CHKA: variants seen among roughly 807,000 people sequenced by gnomAD.
The protein encoded by CHKA is choline kinase alpha, also known as CHETK-alpha.
Under a neutral mutation model 60.1 loss-of-function variants are expected in CHKA, and 34 were observed. The observed-to-expected ratio is 0.57, with a 90% CI of 0.43 to 0.75. CHKA has a LOEUF of 0.75. Among genes scored for constraint, CHKA ranks in the 30% least tolerant of loss-of-function variants. The pLI is 0.00. For missense variants in CHKA, 563 were observed against 561.3 expected (o/e 1.00, Z -0.03); for synonymous variants, 217 against 223.1 (o/e 0.97, Z 0.24).
chr11:68,079,094 C>A (rs1171338544), intron 3 of CHKA, among the ~76,000 whole-genome samples: 1 of 150,710 alleles, frequency 6.6e-6, no homozygotes, highest in Non-Finnish European at 1.5e-5. Flanking sequence ...CTACCAAGCC[C>A]AGCTTATTTT....
intron 2 of CHKA, among the ~76,000 whole-genome samples, chr11:68,092,977 A>G (rs1014200843): frequency 6.6e-6 from 1 of 151,112 alleles, no homozygotes; most frequent in African/African-American, 2.4e-5. Context: ...CGTATAGAAA[A>G]CTACTAATTT....
intron 6 of CHKA, 123 bp from the exon 7 acceptor site, chr11:68,069,060 T>C: frequency 1.5e-6 from 1 of 665,782 alleles, no homozygotes; most frequent in South Asian, 1.7e-5. Context: ...CAGAGTAGTA[T>C]CTGTGATGTG....
At chr11:68,070,089 A>C in intron 6 of CHKA, 100 bp downstream of exon 6, 1 of 863,680 alleles carries the variant, frequency 1.2e-6, no homozygotes, top group South Asian at 1.4e-5. Flanking sequence ...TGTAAAACCA[A>C]TGTAAAATGC....
intron 11 of CHKA, among the ~76,000 whole-genome samples, chr11:68,057,955 G>T (rs1856088063): frequency 6.6e-6 from 1 of 152,054 alleles, no homozygotes; most frequent in African/African-American, 2.4e-5. Flanking sequence ...GGAGTGCAGT[G>T]GTGTGATCAC....
chr11:68,068,929 A>G lies in CHKA; in HGVS notation c.878T>C (p.Leu293Pro). The G allele has an allele frequency of 1.2e-6, 2 of 1,611,976 alleles. No individual in the cohort carries two copies. The highest frequency in any genetic ancestry group is 1.7e-6 in the Non-Finnish European group (2 of 1,178,744). Residue 293 changes from leucine (L) to proline (P), a missense_variant, in exon 7 of 12, where the codon CTT becomes CCT. Physicochemically the swap from Leu to Pro is moderately conservative, Grantham distance 98. Transcript: ENST00000265689. ...PLELENLRSL[L>P]ESTPSPVVFC... ...TACAACTGGAGATGGAGTAGATTCA[A>G]GCAATGATCTGAAAAGAAAGGTTTC... is the stretch of plus-strand genomic sequence containing the variant.
intron 11 of CHKA, chr11:68,061,366 G>A (rs895600896): frequency 1.0e-4 from 18 of 173,214 alleles, no homozygotes; most frequent in South Asian, 3.9e-4. Context: ...TCAGCCTCCC[G>A]AAGTGCTGGG....
intron 1 of CHKA, among the ~76,000 whole-genome samples, chr11:68,117,267 C>T: frequency 6.6e-6 from 1 of 152,076 alleles, no homozygotes; most frequent in Non-Finnish European, 1.5e-5. Context: ...CAAAGAAAGG[C>T]CTGGAAACTG....
chr11:68,064,743 A>C, intron 9 of CHKA, 112 bp from the exon 10 acceptor site: 1 of 657,552 alleles, frequency 1.5e-6, no homozygotes, highest in Non-Finnish European at 2.6e-6. Context: ...CACACTCAAC[A>C]TGATGTTCAG....
intron 1 of CHKA, among the ~76,000 whole-genome samples, chr11:68,105,273 T>C (rs1177141985): frequency 6.6e-6 from 1 of 151,618 alleles, no homozygotes; most frequent in Non-Finnish European, 1.5e-5. Flanking sequence ...TCCCAGCACT[T>C]TGGGAGGCTG....
At chr11:68,064,770 G>C in intron 9 of CHKA, 139 bp from the exon 10 acceptor site, 1 of 599,162 alleles carries the variant, frequency 1.7e-6, no homozygotes, top group Non-Finnish European at 2.9e-6. Context: ...CGACATCCTG[G>C]GGCTGGCACC....
At chr11:68,075,008 C>T (rs905261220) in intron 3 of CHKA, among the ~76,000 whole-genome samples, 178 bp from the exon 4 acceptor site, 3 of 152,182 alleles carry the variant, frequency 2.0e-5, no homozygotes, top group Admixed American at 6.5e-5. Context: ...AGTCACACAT[C>T]GTGTCATTTG....
intron 2 of CHKA, among the ~76,000 whole-genome samples, chr11:68,088,440 G>C (rs1350117456): frequency 6.6e-6 from 1 of 152,060 alleles, no homozygotes; most frequent in Non-Finnish European, 1.5e-5. Context: ...CCCTCTAGGA[G>C]AGAAATAATT....
chr11:68,079,871 C>G (rs138170801), intron 3 of CHKA, among the ~76,000 whole-genome samples: 1 of 151,884 alleles, frequency 6.6e-6, no homozygotes, highest in South Asian at 2.1e-4. Context: ...ATCAGGTGAC[C>G]GAGGGAGACA....
intron 1 of CHKA, among the ~76,000 whole-genome samples, chr11:68,105,028 C>T (rs1371955064): frequency 6.6e-6 from 1 of 151,408 alleles, no homozygotes; most frequent in African/African-American, 2.4e-5. Flanking sequence ...CGCTTGAACC[C>T]GGGAGATGGA....
intron 3 of CHKA, among the ~76,000 whole-genome samples, chr11:68,076,997 G>A (rs1282212430): frequency 6.6e-6 from 1 of 152,190 alleles, no homozygotes; most frequent in East Asian, 1.9e-4. Flanking sequence ...CAGCATTTCG[G>A]GAGGCTGAGG....
Position 68,066,418 on chromosome 11 carries a change from T to TA in CHKA, c.1016+10dup, listed in dbSNP as rs774981699. The TA allele has an allele frequency of 2.8e-5, 44 of 1,588,214 alleles. No homozygotes were observed. In the African/African-American group the frequency reaches 5.5e-4, roughly 20 times the overall value. Reference sequence around the variant, plus strand: ...ATATTGAGATGGAAACACTGGACTGTAACACAGTACCTGTAATTGTAACTG... The same window carrying TA: ...ATATTGAGATGGAAACACTGGACTGTAAACACAGTACCTGTAATTGTAACTG... On this transcript the variant is annotated intron_variant, in intron 8 of 11. Coordinates refer to ENST00000265689, the MANE Select transcript of CHKA (RefSeq NM_001277.3).
intron 2 of CHKA, among the ~76,000 whole-genome samples, chr11:68,088,794 G>A (rs1464835410): frequency 6.6e-6 from 1 of 151,964 alleles, no homozygotes. Flanking sequence ...GATCCAACTC[G>A]CCTCAGCCTC....
At chr11:68,061,876 C>T (rs772450972) in intron 11 of CHKA, 77 bp downstream of exon 11, 21 of 1,020,572 alleles carry the variant, frequency 2.1e-5, no homozygotes, top group Non-Finnish European at 2.8e-5. Context: ...CATTTGCTGC[C>T]AACATTCACA....
Position 68,053,058 on chromosome 11 carries a change from A to AATG in CHKA, c.*927_*929dup, listed in dbSNP as rs763564347. 1 of 152,472 alleles carries AATG rather than the reference A, an allele frequency of 6.6e-6. No individual in the cohort carries two copies. The highest frequency in any genetic ancestry group is 2.4e-5 in the African/African-American group (1 of 41,404). The allele number at this position is 152,472 out of a possible 1,614,324, so 9.4% of individuals were successfully genotyped here. On this transcript the variant is annotated 3_prime_UTR_variant, in exon 12 of 12. Coordinates refer to ENST00000265689, the MANE Select transcript of CHKA (RefSeq NM_001277.3). The stretch of plus-strand genomic sequence containing the variant: ...CATACAGGCTGCTGTCTCCCACAAG[A>AATG]ATGATGATGTCAGGGGCATCAGGAA...
Sources: allele counts gnomAD v4.1 joint callset (sites outside exome capture counted in the v4.1 genomes callset), GRCh38; gene constraint gnomAD v4.1.1; transcripts MANE v1.5; gene names NCBI Gene and HGNC (gene_info 2026-07-23, HGNC 2026-07-21).